The following CTBP2 variants were observed in gnomAD, a reference collection of about 807,000 sequenced individuals.
CTBP2 encodes C-terminal binding protein 2.
Under a neutral mutation model 80.3 loss-of-function variants are expected in CTBP2, and 30 were observed. That is an observed-to-expected ratio of 0.37 (90% CI 0.28 to 0.51). The LOEUF is 0.51. Ranked by LOEUF, CTBP2 falls within the 20% of genes least tolerant of loss-of-function variation. The pLI is 0.93. For synonymous variants in CTBP2, 594 were observed against 587.4 expected, an observed-to-expected ratio of 1.01 and a Z score of -0.16; for missense variants, 1,212 against 1,375.3, an observed-to-expected ratio of 0.88 and a Z score of 1.88.
chr10:125,088,954 A>C (rs189153033), intron 2 of CTBP2, among the ~76,000 whole-genome samples: 1 of 152,182 alleles, frequency 6.6e-6, no homozygotes, highest in Admixed American at 6.5e-5. Context: ...GAACCATTTC[A>C]CTTTCTTCAT....
intron 1 of CTBP2, among the ~76,000 whole-genome samples, chr10:125,137,329 T>C (rs1268488260): frequency 6.6e-6 from 1 of 152,190 alleles, no homozygotes; most frequent in African/African-American, 2.4e-5. Context: ...CTCAGCCTTA[T>C]TTCCCAAGGG....
chr10:125,135,265 C>T (rs1445580031), intron 1 of CTBP2, among the ~76,000 whole-genome samples: 1 of 152,154 alleles, frequency 6.6e-6, no homozygotes, highest in Admixed American at 6.5e-5. Context: ...GCAGCACCCG[C>T]TCCACCACCC....
chr10:125,068,625 G>A (rs1844997585), intron 2 of CTBP2, among the ~76,000 whole-genome samples: 1 of 152,182 alleles, frequency 6.6e-6, no homozygotes, highest in Non-Finnish European at 1.5e-5. Flanking sequence ...GGAACAAGAT[G>A]GCCAGGGTGC....
chr10:125,085,310 T>C (rs1275858731), intron 2 of CTBP2, among the ~76,000 whole-genome samples: 1 of 152,214 alleles, frequency 6.6e-6, no homozygotes, highest in Non-Finnish European at 1.5e-5. Flanking sequence ...TACGCTGCCC[T>C]GACAGCAATT....
Position 125,003,540 on chromosome 10 carries a change from C to T in CTBP2, c.1679-48G>A, listed in dbSNP as rs548913431. 28 of 1,459,474 alleles carry T rather than the reference C, an allele frequency of 1.9e-5. No individual in the cohort carries two copies. In the East Asian group the frequency reaches 6.4e-4, roughly 33 times the overall value. 90.4% of individuals were successfully genotyped at this position (1,459,474 alleles called of 1,614,324 possible). On this transcript the variant is annotated intron_variant, in intron 1 of 8. Transcript: ENST00000309035. ...CACAGTGGGTGGGTGGCTGGGGCCA[C>T]AGGGTGCGTGGAGGGGCAGCTCCCC...
At chr10:125,004,110 G>C (rs930047329) in intron 1 of CTBP2, among the ~76,000 whole-genome samples, 10 of 152,186 alleles carry the variant, frequency 6.6e-5, no homozygotes, top group Admixed American at 6.5e-4. Context: ...CAGATTTCCT[G>C]GTGCTGCCAA....
At position 125,106,319 on chromosome 10, in the gene CTBP2, C is replaced by A. The variant is rs557590058; in HGVS notation, c.-102+4671G>T. On this transcript the variant is annotated intron_variant, in intron 2 of 10. Coordinates refer to the CTBP2 transcript ENST00000337195. ...CAGGAATATCAAAGCCCCCGGGAAG[C>A]CATCTTCACTGTAAAGGGACCCTGC... Among the ~76,000 whole-genome samples the A allele has an allele frequency of 3.3e-5, 5 of 152,304 alleles. 1 individual carries two copies. In the South Asian group the frequency reaches 1.0e-3, roughly 32 times the overall value.
intron 1 of CTBP2, among the ~76,000 whole-genome samples, chr10:125,126,149 A>G (rs1590945435): frequency 6.6e-6 from 1 of 150,750 alleles, no homozygotes; most frequent in African/African-American, 2.4e-5. Flanking sequence ...CACACTTCGC[A>G]ATGGGCCAGT....
rs1564914318 is a variant in CTBP2 at position 125,098,724 on chromosome 10, CAGAGAG to C, written c.-102+12260_-102+12265del. Among the ~76,000 whole-genome samples the C allele has an allele frequency of 1.5e-3, 110 of 75,686 alleles. 4 individuals carry two copies. Among genetic ancestry groups the C allele is most frequent in the African/African-American group, 3.7e-3 (58 of 15,544 alleles). The allele number at this position is 75,686 out of a possible 152,430, so 49.7% of individuals were successfully genotyped here. On this transcript the variant is annotated intron_variant, in intron 2 of 10. Transcript: ENST00000337195. ...AGAGAGAGACAGAGAGAGAGAGAGA[CAGAGAG>C]AGAGAGAGAGAGAGAGAGACAGAGA...
intron 3 of CTBP2, chr10:124,999,673 G>T (rs561427213): frequency 5.3e-5 from 8 of 152,262 alleles, no homozygotes; most frequent in Non-Finnish European, 1.2e-4. Flanking sequence ...GGTGACTGAG[G>T]CCGACCAACT....
intron 3 of CTBP2, chr10:124,999,356 C>G (rs1226193130): frequency 6.7e-6 from 1 of 149,034 alleles, no homozygotes; most frequent in African/African-American, 2.4e-5. Flanking sequence ...ATTCCTCTAT[C>G]TTAAGTCCTG....
rs569408980 is a variant in CTBP2, at chr10:124,994,732, C to G, written c.2186-49G>C. On this transcript the variant is annotated intron_variant, in intron 4 of 8. Transcript: ENST00000309035. ...GTGAGTGAGTCCACAGCCCGCGCCC[C>G]AGCGCTGCCACCTCCATTGCTTCTG... 1.6e-5 allele frequency: 25 copies of G among 1,572,950 alleles called. No individual in the cohort carries two copies. In the South Asian group the frequency reaches 2.6e-4, roughly 16 times the overall value.
intron 1 of CTBP2, among the ~76,000 whole-genome samples, chr10:125,144,862 T>G (rs1375609280): frequency 6.6e-6 from 1 of 152,224 alleles, no homozygotes; most frequent in Non-Finnish European, 1.5e-5. Context: ...TTCTAGCAGG[T>G]ATGCTCTGAC....
chr10:125,007,950 CT>C (rs577913784), intron 1 of CTBP2, among the ~76,000 whole-genome samples: 278 of 144,444 alleles, frequency 1.9e-3, no homozygotes, highest in Non-Finnish European at 1.8e-3. Flanking sequence ...CTGGCTCTGG[CT>C]TTTTTTTTTT....
intron 2 of CTBP2, among the ~76,000 whole-genome samples, chr10:125,042,925 G>A (rs949753471): frequency 2.0e-5 from 3 of 152,132 alleles, no homozygotes; most frequent in Non-Finnish European, 1.5e-5. Flanking sequence ...GGAAAGTTAC[G>A]GGTATCACAG....
intron 1 of CTBP2, among the ~76,000 whole-genome samples, chr10:125,007,120 C>T (rs1244828110): frequency 6.6e-6 from 1 of 152,272 alleles, no homozygotes; most frequent in African/African-American, 2.4e-5. Context: ...CGCCAGTAAA[C>T]CTGCCTTGTC....
chr10:124,997,020 C>T (rs11818344), intron 4 of CTBP2: 27 of 152,426 alleles, frequency 1.8e-4, no homozygotes, highest in African/African-American at 6.0e-4. Context: ...CAAGTGGCAC[C>T]CCAGGTCCAG....
chr10:125,079,576 A>G (rs976844127), intron 2 of CTBP2, among the ~76,000 whole-genome samples: 3 of 152,226 alleles, frequency 2.0e-5, no homozygotes, highest in African/African-American at 7.2e-5. Flanking sequence ...CAGAAAATCC[A>G]ATCAAGCCTT....
chr10:125,144,587 T>TCA (rs1363015627), intron 1 of CTBP2, among the ~76,000 whole-genome samples: 5 of 152,176 alleles, frequency 3.3e-5, no homozygotes, highest in African/African-American at 1.2e-4. Context: ...ACAGCAGGTA[T>TCA]CACTCCCAAA....
Sources: allele counts gnomAD v4.1 joint callset (sites outside exome capture counted in the v4.1 genomes callset), GRCh38; gene constraint gnomAD v4.1.1; transcripts MANE v1.5; gene names NCBI Gene and HGNC (gene_info 2026-07-23, HGNC 2026-07-21).